Variants in ACSL1 observed in about 807,000 individuals in gnomAD.
ACSL1 encodes long-chain-fatty-acid--CoA ligase 1.
Under a neutral mutation model 98.4 loss-of-function variants are expected in ACSL1, and 41 were observed. The ratio of observed to expected loss-of-function variants is 0.42; its 90% CI spans 0.32 to 0.54. The LOEUF is 0.54. Among genes scored for constraint, ACSL1 ranks in the 20% least tolerant of loss-of-function variants. The pLI, the probability that ACSL1 is intolerant of heterozygous loss-of-function variation, is 0.13. For missense variants in ACSL1, 734 were observed against 883.1 expected (o/e 0.83, Z 2.14); for synonymous variants, 316 against 322.7 (o/e 0.98, Z 0.22).
At chr4:184,797,018 G>C (rs1769509468) in intron 2 of ACSL1, among the ~76,000 whole-genome samples, 3 of 152,180 alleles carry the variant, frequency 2.0e-5, no homozygotes, top group African/African-American at 4.8e-5. Flanking sequence ...GTGAGGGCGA[G>C]TGACACCACC....
At chr4:184,797,467 T>C (rs906212465) in intron 2 of ACSL1, among the ~76,000 whole-genome samples, 1 of 152,176 alleles carries the variant, frequency 6.6e-6, no homozygotes, top group Non-Finnish European at 1.5e-5. Flanking sequence ...TAAACATGGA[T>C]GAAGGATGCC....
rs1179914998 is a variant in ACSL1, at chr4:184,776,655, G to C, written c.585C>G (p.Leu195=). Residue 195 remains leucine, a synonymous_variant, in exon 7 of 21, where the codon CTC becomes CTG. Coordinates refer to ENST00000281455, the MANE Select transcript of ACSL1 (RefSeq NM_001995.5). Reference sequence around the variant, plus strand: ...CTGGCTTGTCAACAAAAACCAGAGAGAGTTCAGCTGTAAATGAAGAGATAC... The same window carrying C: ...CTGGCTTGTCAACAAAAACCAGAGACAGTTCAGCTGTAAATGAAGAGATAC... ...AITYIVNKAE[L]SLVFVDKPEK... 6.2e-7 allele frequency: 1 copy of C among 1,610,242 alleles called. No homozygotes were observed. The highest frequency in any genetic ancestry group is 8.5e-7 in the Non-Finnish European group (1 of 1,179,624).
In ACSL1 at chr4:184,776,882, A is replaced by C. The variant is rs1366764066; in HGVS notation, c.577+2T>G. ...TAATCCAGGCAAAGATCACAGACGT[A>C]CCTTTGTTGACTATGTACGTGATGG... On this transcript the variant is annotated splice_donor_variant, in intron 6 of 20. Transcript: ENST00000281455. LOFTEE classifies it high-confidence loss of function. 2 of 1,613,748 alleles carry C rather than the reference A, an allele frequency of 1.2e-6. No individual in the cohort carries two copies. The highest frequency in any genetic ancestry group is 3.3e-5 in the Admixed American group (2 of 60,012).
chr4:184,826,072 G>T, upstream of ACSL1: 1 of 129,034 alleles, frequency 7.7e-6, no homozygotes, highest in South Asian at 2.3e-4. Context: ...GGATGCTGCT[G>T]GTGCGCTCGC....
At chr4:184,798,774 AC>A (rs1217183034) in intron 2 of ACSL1, 4 of 152,356 alleles carry the variant, frequency 2.6e-5, no homozygotes, top group African/African-American at 9.6e-5. Flanking sequence ...GTAGCTGCAG[AC>A]GGAGATAAGG....
At chr4:184,800,422 G>A (rs1770286741) in intron 2 of ACSL1, among the ~76,000 whole-genome samples, 1 of 152,298 alleles carries the variant, frequency 6.6e-6, no homozygotes, top group Non-Finnish European at 1.5e-5. Context: ...AGTCACTCCA[G>A]TGAAGATCGT....
intron 1 of ACSL1, chr4:184,812,163 G>T: frequency 1.0e-6 from 1 of 983,926 alleles, no homozygotes; most frequent in African/African-American, 1.7e-5. Context: ...CACTTACAGC[G>T]AATGGTACTT....
chr4:184,797,365 G>A (rs12500973), intron 2 of ACSL1, among the ~76,000 whole-genome samples: 15,389 of 152,226 alleles, frequency 0.1, 955 homozygotes, highest in Non-Finnish European at 0.14. Flanking sequence ...CTTTACATGC[G>A]TACATGTGTG....
intron 1 of ACSL1, chr4:184,821,056 C>G (rs889634053): frequency 2.6e-5 from 12 of 456,164 alleles, no homozygotes; most frequent in African/African-American, 1.4e-4. Context: ...AGGATAGCAG[C>G]AGGACCTACC....
intron 10 of ACSL1, among the ~76,000 whole-genome samples, chr4:184,772,563 C>T (rs149737259): frequency 1.8e-4 from 28 of 152,292 alleles, no homozygotes; most frequent in African/African-American, 6.3e-4. Flanking sequence ...TGGGGCCCTG[C>T]TGTGACTGGA....
At chr4:184,764,400 A>G (rs1444943499) in intron 15 of ACSL1, among the ~76,000 whole-genome samples, 1 of 152,204 alleles carries the variant, frequency 6.6e-6, no homozygotes, top group Non-Finnish European at 1.5e-5. Flanking sequence ...TCCTTTTGAG[A>G]AATGACTTTT....
At position 184,773,432 on chromosome 4, in the gene ACSL1, T is replaced by C. The variant is rs530749948; in HGVS notation, c.841+231A>G. Among the ~76,000 whole-genome samples the C allele has an allele frequency of 5.9e-5, 9 of 152,292 alleles. No homozygotes were observed. Among genetic ancestry groups the C allele is most frequent in the South Asian group, 4.1e-4 (2 of 4,824 alleles). On this transcript the variant is annotated intron_variant, in intron 9 of 20. Coordinates refer to ENST00000281455, the MANE Select transcript of ACSL1 (RefSeq NM_001995.5). This position sits in a 1 kb window ranked among gnomAD's most constrained non-coding sequence, Gnocchi z 4.3. ...TGGGAGCCACCGATATAGTCTGTCC[T>C]AGGAAGACAGGTGAATCTAATATCA...
chr4:184,788,327 T>C, intron 3 of ACSL1: 1 of 494,152 alleles, frequency 2.0e-6, no homozygotes, highest in Admixed American at 2.5e-5. Context: ...CAGACCTCTT[T>C]ATTGCAGGAA....
chr4:184,811,262 C>T (rs1276150400), intron 1 of ACSL1, among the ~76,000 whole-genome samples: 10 of 151,518 alleles, frequency 6.6e-5, no homozygotes, highest in East Asian at 3.9e-4. Context: ...GCACCCGCCA[C>T]CACGCCTGGC....
At chr4:184,824,035 T>C (rs1016189720) in intron 1 of ACSL1, among the ~76,000 whole-genome samples, 1 of 152,188 alleles carries the variant, frequency 6.6e-6, no homozygotes, top group African/African-American at 2.4e-5. Context: ...TCAGGCTGCC[T>C]GCGATAACAA....
At chr4:184,821,422 C>T (rs76862748) in intron 1 of ACSL1, 4,957 of 176,048 alleles carry the variant, frequency 0.028, 260 homozygotes, top group African/African-American at 0.11. Context: ...TATCAGAAGT[C>T]CCCTCCAGAA....
At chr4:184,772,800 G>A (rs28454355) in intron 10 of ACSL1, among the ~76,000 whole-genome samples, 43,640 of 152,140 alleles carry the variant, frequency 0.29, 7,081 homozygotes, top group East Asian at 0.68. Context: ...TCTTGGACAT[G>A]TTTCTAGGGC....
chr4:184,804,345 C>A (rs935323781), intron 1 of ACSL1, among the ~76,000 whole-genome samples: 1 of 152,058 alleles, frequency 6.6e-6, no homozygotes, highest in Admixed American at 6.6e-5. Context: ...TTTGGGAAGC[C>A]GAGGCGGGTG....
At position 184,756,602 on chromosome 4, in the gene ACSL1, G is replaced by A. The variant is rs1001965704; in HGVS notation, c.*523C>T. The A allele has an allele frequency of 6.5e-6, 1 of 152,826 alleles. No homozygotes were observed. Among genetic ancestry groups the A allele is most frequent in the South Asian group, 2.1e-4 (1 of 4,834 alleles). 9.5% of individuals were successfully genotyped at this position (152,826 alleles called of 1,614,324 possible). A position where few individuals can be genotyped will look rare whatever the true frequency, so the allele number is the denominator to read the frequency against. On this transcript the variant is annotated 3_prime_UTR_variant, in exon 21 of 21. Coordinates refer to ENST00000281455, the MANE Select transcript of ACSL1 (RefSeq NM_001995.5). ...TCAGAAGGGTTCTGTGAATGCCTGT[G>A]AGAAGGGACAGTAGCAGGGATTTAA...
Sources: gnomAD v4.1 joint callset for allele counts (sites outside exome capture counted in the v4.1 genomes callset) on GRCh38, gnomAD v4.1.1 for gene constraint, Gnocchi (gnomAD v3.1) non-coding constraint, MANE v1.5 for transcripts, NCBI Gene and HGNC (gene_info 2026-07-23, HGNC 2026-07-21) for gene names.